Variants in CTNNA2 observed in about 807,000 individuals in gnomAD.
The protein encoded by CTNNA2 is catenin alpha 2.
In CTNNA2, 42 loss-of-function variants were observed where a neutral mutation model predicts 101.0. The ratio of observed to expected loss-of-function variants is 0.42; its 90% CI spans 0.32 to 0.54. The LOEUF (loss-of-function observed/expected upper bound fraction) is 0.54, where lower values mean the gene tolerates loss of function less well. Among genes scored for constraint, CTNNA2 ranks in the 20% least tolerant of loss-of-function variants. CTNNA2 has a pLI of 0.14. For missense variants in CTNNA2, 871 were observed against 1,223.1 expected, an observed-to-expected ratio of 0.71 and a Z score of 4.29; for synonymous variants, 450 against 456.4, an observed-to-expected ratio of 0.99 and a Z score of 0.18.
intron 18 of CTNNA2, among the ~76,000 whole-genome samples, chr2:80,636,091 T>C (rs2149841616): frequency 6.6e-6 from 1 of 151,912 alleles, no homozygotes; most frequent in African/African-American, 2.4e-5. Context: ...TCTTTTCATA[T>C]AACCTGCCAT....
chr2:79,682,646 T>C (rs1205749118), intron 2 of CTNNA2, among the ~76,000 whole-genome samples: 1 of 152,164 alleles, frequency 6.6e-6, no homozygotes, highest in Non-Finnish European at 1.5e-5. Flanking sequence ...AAAATTTATA[T>C]ACAAATTCAG....
At chr2:79,528,572 A>C (rs1672557717) in intron 1 of CTNNA2, among the ~76,000 whole-genome samples, 1 of 152,154 alleles carries the variant, frequency 6.6e-6, no homozygotes, top group South Asian at 2.1e-4. Flanking sequence ...AATTATGCCT[A>C]TAATGTAAGG....
chr2:79,489,147 C>T (rs1671185929), intron 4 of CTNNA2, among the ~76,000 whole-genome samples: 1 of 152,100 alleles, frequency 6.6e-6, no homozygotes, highest in Non-Finnish European at 1.5e-5. Flanking sequence ...ATCATGTTTA[C>T]TTGGTCCCTT....
intron 7 of CTNNA2, among the ~76,000 whole-genome samples, chr2:80,353,529 A>G (rs1376657943): frequency 6.6e-6 from 1 of 152,178 alleles, no homozygotes; most frequent in Non-Finnish European, 1.5e-5. Flanking sequence ...TATATAACAC[A>G]AAGATCACAT....
chr2:79,543,429 TA>T (rs1355649151), intron 1 of CTNNA2, among the ~76,000 whole-genome samples: 1 of 152,192 alleles, frequency 6.6e-6, no homozygotes, highest in East Asian at 1.9e-4. Flanking sequence ...AGTGTTACCT[TA>T]ATTCAAATAT....
chr2:79,922,418 CAG>C (rs1686726716), intron 7 of CTNNA2, among the ~76,000 whole-genome samples: 1 of 152,114 alleles, frequency 6.6e-6, no homozygotes, highest in African/African-American at 2.4e-5. Flanking sequence ...GAAAAATAGA[CAG>C]ATACCTCTTC....
intron 9 of CTNNA2, among the ~76,000 whole-genome samples, chr2:80,503,697 G>A (rs1032778894): frequency 6.6e-6 from 1 of 152,110 alleles, no homozygotes; most frequent in Non-Finnish European, 1.5e-5. Flanking sequence ...TGTGTTTCAA[G>A]CTTGGAATGT....
At chr2:79,357,721 A>G (rs1677538935) in intron 3 of CTNNA2, among the ~76,000 whole-genome samples, 1 of 152,238 alleles carries the variant, frequency 6.6e-6, no homozygotes, top group South Asian at 2.1e-4. Context: ...GAATAATCTT[A>G]AAAGCAGCCA....
At chr2:79,652,391 T>G (rs1363317802) in intron 2 of CTNNA2, among the ~76,000 whole-genome samples, 1 of 152,114 alleles carries the variant, frequency 6.6e-6, no homozygotes, top group Non-Finnish European at 1.5e-5. Flanking sequence ...TGGCTTGCAT[T>G]CCTTCTGGAA....
At chr2:79,932,391 T>G (rs1181169605) in intron 7 of CTNNA2, among the ~76,000 whole-genome samples, 1 of 152,052 alleles carries the variant, frequency 6.6e-6, no homozygotes, top group African/African-American at 2.4e-5. Flanking sequence ...TTTGAGAGTA[T>G]GTGAAATCAT....
intron 2 of CTNNA2, among the ~76,000 whole-genome samples, chr2:79,236,030 G>A (rs1674553336): frequency 6.6e-6 from 1 of 152,178 alleles, no homozygotes; most frequent in Non-Finnish European, 1.5e-5. Context: ...AGGTGGAGTT[G>A]ACCAATCTGC....
At chr2:79,770,377 A>G (rs1673487483) in intron 3 of CTNNA2, among the ~76,000 whole-genome samples, 1 of 152,252 alleles carries the variant, frequency 6.6e-6, no homozygotes, top group Non-Finnish European at 1.5e-5. Flanking sequence ...AGTCAACACC[A>G]AAATCACTGG....
intron 11 of CTNNA2, among the ~76,000 whole-genome samples, chr2:80,554,315 T>C (rs989895478): frequency 1.3e-5 from 2 of 152,222 alleles, no homozygotes; most frequent in African/African-American, 4.8e-5. Context: ...TTTAACTATT[T>C]ATGAACTATT....
At chr2:79,510,228 AAAG>A (rs1321923427), upstream of CTNNA2, among the ~76,000 whole-genome samples, 1 of 152,160 alleles carries the variant, frequency 6.6e-6, no homozygotes, top group African/African-American at 2.4e-5. Context: ...TGAGTGAGGG[AAAG>A]AAGAAAATTG....
chr2:79,564,929 A>G (rs1361483741), intron 1 of CTNNA2, among the ~76,000 whole-genome samples: 1 of 152,172 alleles, frequency 6.6e-6, no homozygotes, highest in Non-Finnish European at 1.5e-5. Context: ...TGTTTTATTT[A>G]CTTGCGTTCT....
At chr2:80,137,291 G>A (rs1232483229) in intron 7 of CTNNA2, among the ~76,000 whole-genome samples, 1 of 152,214 alleles carries the variant, frequency 6.6e-6, no homozygotes, top group Middle Eastern at 3.4e-3. Flanking sequence ...CTGCTAGGAA[G>A]GAAGTTATAG....
intron 3 of CTNNA2, among the ~76,000 whole-genome samples, chr2:79,767,281 C>G (rs1673234131): frequency 6.6e-6 from 1 of 151,982 alleles, no homozygotes; most frequent in African/African-American, 2.4e-5. Flanking sequence ...TGCATTTCCT[C>G]AACACAGCTA....
chr2:79,673,919 A>G (rs1229368896), intron 2 of CTNNA2, among the ~76,000 whole-genome samples: 2 of 152,190 alleles, frequency 1.3e-5, no homozygotes, highest in Non-Finnish European at 2.9e-5. Context: ...GTGACCCCAG[A>G]CACTAATTAT....
At chr2:80,545,767 T>C in intron 10 of CTNNA2, 140 bp from the exon 11 acceptor site, 1 of 696,948 alleles carries the variant, frequency 1.4e-6, no homozygotes, top group East Asian at 2.9e-5. Context: ...CTTTTATGTG[T>C]TTGATTGTCC....
Sources: allele counts gnomAD v4.1 joint callset (sites outside exome capture counted in the v4.1 genomes callset), GRCh38; gene constraint gnomAD v4.1.1; transcripts MANE v1.5; gene names NCBI Gene and HGNC (gene_info 2026-07-23, HGNC 2026-07-21).